The following ADAMTS6 variants were observed in gnomAD, a reference collection of about 807,000 sequenced individuals.
ADAMTS6 encodes the protein A disintegrin and metalloproteinase with thrombospondin motifs 6.
Under a neutral mutation model 144.3 loss-of-function variants are expected in ADAMTS6, and 23 were observed. The ratio of observed to expected loss-of-function variants is 0.16; its 90% CI spans 0.11 to 0.23. ADAMTS6 has a LOEUF of 0.23. ADAMTS6 is among the 10% of genes least tolerant of loss of function. The pLI is 1.00. For synonymous variants in ADAMTS6, 444 were observed against 457.5 expected, an observed-to-expected ratio of 0.97 and a Z score of 0.38; for missense variants, 999 against 1,379.6, an observed-to-expected ratio of 0.72 and a Z score of 4.37.
At position 65,337,373 on chromosome 5, in the gene ADAMTS6, T is replaced by G. The variant is rs1747403049; in HGVS notation, c.1074-3288A>C. On this transcript the variant is annotated intron_variant, in intron 7 of 24. Coordinates refer to ENST00000381055, the MANE Select transcript of ADAMTS6 (RefSeq NM_197941.4). ...TTACTATTATCTCATATTTTACCTTTTTCAATTTCTTTTTTGTGGGATATT... is the reference window on the plus strand; with the variant it reads ...TTACTATTATCTCATATTTTACCTTGTTCAATTTCTTTTTTGTGGGATATT... Among the ~76,000 whole-genome samples, 3 of 152,258 alleles carry G rather than the reference T, an allele frequency of 2.0e-5. No individual in the cohort carries two copies. In the South Asian group the frequency reaches 6.2e-4, roughly 32 times the overall value.
At chr5:65,343,387 C>A (rs1299939083) in intron 7 of ADAMTS6, among the ~76,000 whole-genome samples, 1 of 151,946 alleles carries the variant, frequency 6.6e-6, no homozygotes, top group Non-Finnish European at 1.5e-5. Context: ...CAAAATTAAT[C>A]CACGTATATA....
rs1313071177 is a variant in ADAMTS6 at position 65,273,445 on chromosome 5, T to C, written c.1515A>G (p.Glu505=). The C allele has an allele frequency of 6.2e-7, 1 of 1,611,964 alleles. No individual in the cohort carries two copies. Among genetic ancestry groups the C allele is most frequent in the Admixed American group, 1.7e-5 (1 of 59,980 alleles). Residue 505 remains glutamate, a splice_region_variant and synonymous_variant, in exon 12 of 25, where the codon GAA becomes GAG. Coordinates refer to ENST00000381055, the MANE Select transcript of ADAMTS6 (RefSeq NM_197941.4). ...GATSRQCKYG[E]VCRELWCLSK... ...TGAGACACCAGAGCTCTCTACACACTTCCTAGGAAAGAAGGCAAAAGCAAG... is the reference window on the plus strand; with the variant it reads ...TGAGACACCAGAGCTCTCTACACACCTCCTAGGAAAGAAGGCAAAAGCAAG...
chr5:65,311,763 G>C (rs1580361626), intron 9 of ADAMTS6, among the ~76,000 whole-genome samples: 2 of 151,984 alleles, frequency 1.3e-5, no homozygotes, highest in Admixed American at 1.3e-4. Context: ...TGTAAGAATG[G>C]AAAGAGCAAA....
At chr5:65,458,274 C>T (rs1314537485) in intron 4 of ADAMTS6, among the ~76,000 whole-genome samples, 1 of 151,968 alleles carries the variant, frequency 6.6e-6, no homozygotes, top group Non-Finnish European at 1.5e-5. Context: ...AGAGATTACT[C>T]AAGAAGAAAG....
At chr5:65,285,578 C>T (rs560292849) in intron 11 of ADAMTS6, among the ~76,000 whole-genome samples, 11 of 152,086 alleles carry the variant, frequency 7.2e-5, no homozygotes, top group African/African-American at 2.7e-4. Flanking sequence ...ACTGTTCTAG[C>T]CACTGGGGAT....
At chr5:65,310,723 T>C (rs1300587400) in intron 9 of ADAMTS6, among the ~76,000 whole-genome samples, 1 of 152,138 alleles carries the variant, frequency 6.6e-6, no homozygotes, top group Admixed American at 6.6e-5. Context: ...ATAGAACTAG[T>C]GGTATTTAAA....
At chr5:65,346,673 A>C (rs1748348306) in intron 7 of ADAMTS6, among the ~76,000 whole-genome samples, 1 of 151,780 alleles carries the variant, frequency 6.6e-6, no homozygotes, top group Non-Finnish European at 1.5e-5. Flanking sequence ...AGAACAAGAA[A>C]AAAATAAAAG....
intron 22 of ADAMTS6, among the ~76,000 whole-genome samples, chr5:65,175,178 C>T (rs928687519): frequency 6.7e-6 from 1 of 150,214 alleles, no homozygotes; most frequent in African/African-American, 2.5e-5. Context: ...GAAAGACCAG[C>T]AGAGAGAGAC....
In ADAMTS6 at chr5:65,451,799, T is replaced by C. The variant is rs535199710; in HGVS notation, c.928-179A>G. ...CTCATTTGGTATATTATTGAACTGG[T>C]ATTTTTTTCCAGTTCCAGCTTTAAT... On this transcript the variant is annotated intron_variant, in intron 6 of 24. Coordinates refer to ENST00000381055, the MANE Select transcript of ADAMTS6 (RefSeq NM_197941.4). Among the ~76,000 whole-genome samples the C allele has an allele frequency of 1.3e-5, 2 of 152,296 alleles. 1 individual carries two copies. The highest frequency in any genetic ancestry group is 4.8e-5 in the African/African-American group (2 of 41,574).
At chr5:65,202,708 TTTTCATAGCCAAA>T (rs1211554713) in intron 20 of ADAMTS6, among the ~76,000 whole-genome samples, 1 of 152,234 alleles carries the variant, frequency 6.6e-6, no homozygotes, top group Non-Finnish European at 1.5e-5. Context: ...TGAAGAACTC[TTTTCATAGCCAAA>T]TTTCATAGCC....
rs186963869 is a variant in ADAMTS6, at chr5:65,447,787, T to C, written c.1073+3688A>G. ...AATACTGATATTTTAACTAAAATTA[T>C]AGATCACAAAAATGAAAGATCAGTT... On this transcript the variant is annotated intron_variant, in intron 7 of 24. Coordinates refer to ENST00000381055, the MANE Select transcript of ADAMTS6 (RefSeq NM_197941.4). 3.3e-3 allele frequency among the ~76,000 whole-genome samples: 498 copies of C among 151,196 alleles called. 1 individual carries two copies. Among genetic ancestry groups the C allele is most frequent in the African/African-American group, 0.012 (482 of 41,362 alleles).
chr5:65,182,321 C>T (rs756629811), intron 22 of ADAMTS6, among the ~76,000 whole-genome samples: 3 of 151,474 alleles, frequency 2.0e-5, no homozygotes, highest in Non-Finnish European at 2.9e-5. Flanking sequence ...TGTGGTGGCA[C>T]GTGCCTGTAC....
chr5:65,397,499 T>C (rs1034605194), intron 7 of ADAMTS6, among the ~76,000 whole-genome samples: 3 of 152,122 alleles, frequency 2.0e-5, no homozygotes, highest in African/African-American at 7.2e-5. Flanking sequence ...TAAATTTTGG[T>C]AAGTTATGTT....
At chr5:65,407,798 C>T (rs1288096528) in intron 7 of ADAMTS6, among the ~76,000 whole-genome samples, 3 of 152,018 alleles carry the variant, frequency 2.0e-5, no homozygotes, top group Non-Finnish European at 4.4e-5. Context: ...CACATGCACA[C>T]GTATGTTTAT....
At position 65,172,517 on chromosome 5, in the gene ADAMTS6, A is replaced by G. The variant is rs1045071628; in HGVS notation, c.3087+315T>C. ...CTTTTCAGTTGACAGCTGGGACTAG[A>G]ATCCAAAGTTTTGGTAGCTTGTTCA... On this transcript the variant is annotated intron_variant, in intron 23 of 24. Coordinates refer to ENST00000381055, the MANE Select transcript of ADAMTS6 (RefSeq NM_197941.4). Among the ~76,000 whole-genome samples, 3 of 152,160 alleles carry G rather than the reference A, an allele frequency of 2.0e-5. No individual in the cohort carries two copies. In the South Asian group the frequency reaches 6.2e-4, roughly 32 times the overall value.
chr5:65,466,445 A>AC (rs1218175890), intron 3 of ADAMTS6, among the ~76,000 whole-genome samples: 1 of 152,014 alleles, frequency 6.6e-6, no homozygotes, highest in Non-Finnish European at 1.5e-5. Flanking sequence ...ATTTATCACT[A>AC]CCCAACGTAT....
At chr5:65,404,953 G>T (rs1754310153) in intron 7 of ADAMTS6, among the ~76,000 whole-genome samples, 1 of 152,182 alleles carries the variant, frequency 6.6e-6, no homozygotes, top group Non-Finnish European at 1.5e-5. Context: ...CTTTTGAGAA[G>T]TGTCTGTTCA....
intron 7 of ADAMTS6, among the ~76,000 whole-genome samples, chr5:65,418,996 T>C (rs1310051978): frequency 6.6e-6 from 1 of 152,186 alleles, no homozygotes; most frequent in African/African-American, 2.4e-5. Flanking sequence ...CGGAGATTTT[T>C]CAAAGAACTT....
chr5:65,255,261 T>G lies in ADAMTS6; in HGVS notation c.1830+5339A>C, dbSNP rs1030608498. On this transcript the variant is annotated intron_variant, in intron 14 of 24. Transcript: ENST00000381055. ...CTGGCAAATAAAACTTGAAGAAATT[T>G]TTTTTTAATTTTAATTTTTTTATTT... Among the ~76,000 whole-genome samples, 13 of 152,154 alleles carry G rather than the reference T, an allele frequency of 8.5e-5. 1 individual carries two copies. In the East Asian group the frequency reaches 2.1e-3, roughly 25 times the overall value.
Sources: gnomAD v4.1 joint callset for allele counts (sites outside exome capture counted in the v4.1 genomes callset) on GRCh38, gnomAD v4.1.1 for gene constraint, MANE v1.5 for transcripts, NCBI Gene and HGNC (gene_info 2026-07-23, HGNC 2026-07-21) for gene names.